Variants in PRR36 observed in about 807,000 individuals in gnomAD.
The protein encoded by PRR36 is proline-rich protein 36.
Under a neutral mutation model 58.6 loss-of-function variants are expected in PRR36, and 30 were observed. That is an observed-to-expected ratio of 0.51 (90% confidence interval 0.38 to 0.69). The LOEUF is 0.69. PRR36 is among the 30% of genes least tolerant of loss of function. The pLI, the probability that PRR36 is intolerant of heterozygous loss-of-function variation, is 0.00. For synonymous variants in PRR36, 771 were observed against 829.3 expected, an observed-to-expected ratio of 0.93 and a Z score of 1.21; for missense variants, 1,692 against 1,805.6, an observed-to-expected ratio of 0.94 and a Z score of 1.14.
At position 7,869,317 on chromosome 19, in the gene PRR36, G is replaced by A; in HGVS notation, c.3757C>T (p.Gln1253Ter). The stretch of plus-strand genomic sequence containing the variant: ...AGCAGGTGCTGCACGACGCTCGCCT[G>A]CAGCGCCCCCAGTGGCAGCTCGCCC... The part of the protein sequence containing the change: ...RLGELPLGAL[Q>*]ASVVQHLLSR... The change falls in exon 6 of 6, where the codon CAG (glutamine) becomes TAG (stop). Residue 1253 changes from glutamine to a stop codon, truncating the protein, a stop_gained. Coordinates refer to ENST00000618550, the MANE Select transcript of PRR36 (RefSeq NM_001190467.2). LOFTEE classifies it high-confidence loss of function. 7.0e-7 allele frequency: 1 copy of A among 1,430,070 alleles called. No individual in the cohort carries two copies. Among genetic ancestry groups the A allele is most frequent in the South Asian group, 1.4e-5 (1 of 69,796 alleles). 88.6% of individuals were successfully genotyped at this position (1,430,070 alleles called of 1,614,324 possible). A position where few individuals can be genotyped will look rare whatever the true frequency, so the allele number is the denominator to read the frequency against.
chr19:7,871,310 CG>C lies in PRR36; in HGVS notation c.1933del (p.Arg645GlyfsTer35). The C allele has an allele frequency of 6.6e-7, 1 of 1,524,180 alleles. No individual in the cohort carries two copies. Among genetic ancestry groups the C allele is most frequent in the Non-Finnish European group, 8.8e-7 (1 of 1,141,252 alleles). 94.4% of individuals were successfully genotyped at this position (1,524,180 alleles called of 1,614,324 possible). On this transcript the variant is annotated frameshift_variant, in exon 5 of 6. Coordinates refer to ENST00000618550, the MANE Select transcript of PRR36 (RefSeq NM_001190467.2). LOFTEE classifies it high-confidence loss of function. Reference sequence around the variant, plus strand: ...TGAATCAGGGGGAGTAGAGGCCGGCCGAGAAGGTGAGATCAAAGAAGCTTGG... The same window carrying C: ...TGAATCAGGGGGAGTAGAGGCCGGCCAGAAGGTGAGATCAAAGAAGCTTGG... Reference protein sequence around the residue: ...QTQASLISPSRPASTPPDSPP... With the variant: ...QTQASLISPSXPASTPPDSPP...
At position 7,872,018 on chromosome 19, in the gene PRR36, G is replaced by C; in HGVS notation, c.1226C>G (p.Ala409Gly). The C allele has an allele frequency of 6.5e-7, 1 of 1,535,806 alleles. No individual in the cohort carries two copies. The highest frequency in any genetic ancestry group is 8.7e-7 in the Non-Finnish European group (1 of 1,146,826). Residue 409 changes from alanine (A) to glycine (G), a missense_variant, in exon 5 of 6, where the codon GCA (alanine) becomes GGA (glycine). Transcript: ENST00000618550. This position sits in a 1 kb window ranked among gnomAD's most constrained non-coding sequence, Gnocchi z 6.1. ...GGCTGTGGCCAGGGAAGAGACGCCTGCTTCTGGAAAGGACATAATCAGCTG... is the reference window on the plus strand; with the variant it reads ...GGCTGTGGCCAGGGAAGAGACGCCTCCTTCTGGAAAGGACATAATCAGCTG... ...PTQLIMSFPE[A>G]GVSSLATAAF...
Position 7,872,204 on chromosome 19 carries a change from CT to C in PRR36, c.1039del (p.Ser347ValfsTer26). On this transcript the variant is annotated frameshift_variant, in exon 5 of 6. Transcript: ENST00000618550. LOFTEE classifies it high-confidence loss of function. The surrounding 1 kb of genome is among the most constrained non-coding windows in gnomAD (Gnocchi z 6.1). ...GGCCGGCAGGGTGGGCGGGGCCTGA[CT>C]TTGGAGAGCGGCTGGCGGAGGGGGC... is the stretch of plus-strand genomic sequence containing the variant. ...VTPPPPAALQ[S>X]QAPPTLPATP... 2 of 1,437,434 alleles carry C rather than the reference CT, an allele frequency of 1.4e-6. No homozygotes were observed. Among genetic ancestry groups the C allele is most frequent in the Non-Finnish European group, 1.8e-6 (2 of 1,099,650 alleles). The allele number at this position is 1,437,434 out of a possible 1,614,324, so 89.0% of individuals were successfully genotyped here.
chr19:7,870,622 G>C lies in PRR36; in HGVS notation c.2622C>G (p.Ala874=). The change falls in exon 5 of 6, where the codon GCC becomes GCG. Residue 874 remains alanine, a synonymous_variant. Transcript: ENST00000618550. ...GAAGGTGCACTGCCAGAGCATTTGG[G>C]GCCTGTGGAGAGGGTGTGGCCAAAG... ...LSPLATPSPQ[A]PNALAVHLLQ... is the part of the protein sequence containing the mutation. 1 of 1,353,276 alleles carries C rather than the reference G, an allele frequency of 7.4e-7. No individual in the cohort carries two copies. The highest frequency in any genetic ancestry group is 9.5e-7 in the Non-Finnish European group (1 of 1,057,468). 83.8% of individuals were successfully genotyped at this position (1,353,276 alleles called of 1,614,324 possible). A position where few individuals can be genotyped will look rare whatever the true frequency, so the allele number is the denominator to read the frequency against.
Position 7,873,438 on chromosome 19 carries a change from C to A in PRR36, c.252G>T (p.Gly84=). The part of the protein sequence containing the change: ...APRAGPTRSA[G]TSSRNPASRP... ...GGGTACCAGGGTTTCGGGAACTTGT[C>A]CCAGCACTCCGCGTTGGTCCCGCTC... The change falls in exon 2 of 6, where the codon GGG becomes GGT. Residue 84 remains glycine (G), a synonymous_variant. Transcript: ENST00000618550. This position sits in a 1 kb window ranked among gnomAD's most constrained non-coding sequence, Gnocchi z 5.0. The A allele has an allele frequency of 6.5e-7, 1 of 1,533,316 alleles. No individual in the cohort carries two copies. Among genetic ancestry groups the A allele is most frequent in the East Asian group, 2.4e-5 (1 of 40,868 alleles). The allele number at this position is 1,533,316 out of a possible 1,614,324, so 95.0% of individuals were successfully genotyped here.
rs1260180465 is a variant in PRR36 at position 7,870,040 on chromosome 19, G to A, written c.3204C>T (p.Pro1068=). Residue 1068 remains proline, a synonymous_variant, in exon 5 of 6, where the codon CCC becomes CCT. Coordinates refer to ENST00000618550, the MANE Select transcript of PRR36 (RefSeq NM_001190467.2). Reference sequence around the variant, plus strand: ...GGGCCTGCAGGGTGGGTGAGGCAGGGGGAGAGGGAGGGACCTGCAGAAGGG... The same window carrying A: ...GGGCCTGCAGGGTGGGTGAGGCAGGAGGAGAGGGAGGGACCTGCAGAAGGG... The part of the protein sequence containing the change: ...AAPLLQVPPS[P]PASPTLQAPR... 4 of 1,457,082 alleles carry A rather than the reference G, an allele frequency of 2.7e-6. No individual in the cohort carries two copies. In the East Asian group the frequency reaches 8.2e-5, roughly 30 times the overall value. 90.3% of individuals were successfully genotyped at this position (1,457,082 alleles called of 1,614,324 possible).
At position 7,871,351 on chromosome 19, in the gene PRR36, C is replaced by A. The variant is rs1404583434; in HGVS notation, c.1893G>T (p.Met631Ile). 1 of 1,530,064 alleles carries A rather than the reference C, an allele frequency of 6.5e-7. No homozygotes were observed. The highest frequency in any genetic ancestry group is 8.7e-7 in the Non-Finnish European group (1 of 1,143,544). 94.8% of individuals were successfully genotyped at this position (1,530,064 alleles called of 1,614,324 possible). A position where few individuals can be genotyped will look rare whatever the true frequency, so the allele number is the denominator to read the frequency against. ...AAGAAGCTTGGGTTTGCCTAGGGGA[C>A]ATTGTCAGGAAAGAATGTGTGGCCT... is the stretch of plus-strand genomic sequence containing the variant. ...TLQATHSFLT[M>I]SPRQTQASLI... The change falls in exon 5 of 6, where the codon ATG becomes ATT. Residue 631 changes from methionine (M) to isoleucine (I), a missense_variant. Met to Ile is a conservative substitution (Grantham distance 10). This residue lies in a region of PRR36 where 975 missense variants were observed against 955.2 expected (regional missense o/e 1.02). Transcript: ENST00000618550.
In PRR36 at chr19:7,868,980, G is replaced by A. The variant is rs560481822; in HGVS notation, c.*53C>T. The A allele has an allele frequency of 4.8e-6, 7 of 1,454,984 alleles. No homozygotes were observed. The African/African-American group carries it at 7.2e-5, about 15-fold the overall frequency. The allele number at this position is 1,454,984 out of a possible 1,614,324, so 90.1% of individuals were successfully genotyped here. On this transcript the variant is annotated 3_prime_UTR_variant, in exon 6 of 6. Transcript: ENST00000618550. Reference sequence around the variant, plus strand: ...GTCTAAAACAAACGGCGTACCCGGAGGGGCGGATCCTAAGGCAGGGGTGGG... The same window carrying A: ...GTCTAAAACAAACGGCGTACCCGGAAGGGCGGATCCTAAGGCAGGGGTGGG...
rs1980566705 is a variant in PRR36, at chr19:7,873,540, C to T, written c.150G>A (p.Ala50=). 3 of 1,534,676 alleles carry T rather than the reference C, an allele frequency of 2.0e-6. No homozygotes were observed. The highest frequency in any genetic ancestry group is 2.6e-6 in the Non-Finnish European group (3 of 1,146,562). ...CCAGAGGCTTTCGCCCCACTGCTCCCGCAGCTCCCAGAACTCGGAGGGCTG... is the reference window on the plus strand; with the variant it reads ...CCAGAGGCTTTCGCCCCACTGCTCCTGCAGCTCCCAGAACTCGGAGGGCTG... ...TPAALRVLGA[A]GAVGRKPLAE... Residue 50 remains alanine, a synonymous_variant, in exon 2 of 6, where the codon GCG becomes GCA. Transcript: ENST00000618550. This position sits in a 1 kb window ranked among gnomAD's most constrained non-coding sequence, Gnocchi z 5.0.
chr19:7,873,207 C>T lies in PRR36; in HGVS notation c.364G>A (p.Gly122Arg), dbSNP rs1036096760. The stretch of plus-strand genomic sequence containing the variant: ...GAGGGAGCAGGTTACCTGGTGGTCC[C>T]GCTGGCACGCCCTGGGCTAGAAACA... ...GPVSSPGRAS[G>R]TTRPGPLGQK... Residue 122 changes from glycine (G) to arginine (R), a missense_variant, in exon 3 of 6, where the codon GGG becomes AGG. By Grantham distance (125) the Gly-to-Arg change is moderately radical. Around this residue, in one of 5 missense-constraint regions of PRR36, gnomAD observed 975 missense variants for 955.2 expected, o/e 1.02. Transcript: ENST00000618550. The surrounding 1 kb of genome is among the most constrained non-coding windows in gnomAD (Gnocchi z 5.0). The T allele has an allele frequency of 2.0e-6, 3 of 1,535,838 alleles. No individual in the cohort carries two copies. The highest frequency in any genetic ancestry group is 2.4e-5 in the East Asian group (1 of 40,916).
chr19:7,870,524 A>C lies in PRR36; in HGVS notation c.2720T>G (p.Val907Gly). ...APFSPPASPP[V>G]SPSATPPSQA... The stretch of plus-strand genomic sequence containing the variant: ...TGAAGGGGGCGTGGCCGAAGGAGAC[A>C]CTGGGGGTGAGGCAGGGGGAGAGAA... The change falls in exon 5 of 6, where the codon GTG becomes GGG. Residue 907 changes from valine (V) to glycine (G), a missense_variant. Physicochemically the swap from Val to Gly is moderately radical, Grantham distance 109. This residue lies in a region of PRR36 where 171 missense variants were observed against 146.2 expected (regional missense o/e 1.17). Coordinates refer to ENST00000618550, the MANE Select transcript of PRR36 (RefSeq NM_001190467.2). 2.4e-6 allele frequency: 1 copy of C among 419,296 alleles called. No individual in the cohort carries two copies. Among genetic ancestry groups the C allele is most frequent in the Non-Finnish European group, 2.9e-6 (1 of 347,674 alleles). The allele number at this position is 419,296 out of a possible 1,614,324, so 26.0% of individuals were successfully genotyped here.
rs1377769916 is a variant in PRR36 at position 7,869,240 on chromosome 19, G to A, written c.3834C>T (p.Gly1278=). ...CACCCTCCGCACCTCCTGGGCCCCC[G>A]CCGCTGCCGCCCGCGGCACCCTCGG... The part of the protein sequence containing the change: ...AAAEGAAGGS[G]GGPGGAEGGG... The change falls in exon 6 of 6, where the codon GGC becomes GGT. Residue 1278 remains glycine, a synonymous_variant. Coordinates refer to ENST00000618550, the MANE Select transcript of PRR36 (RefSeq NM_001190467.2). 2.7e-6 allele frequency: 4 copies of A among 1,492,458 alleles called. No individual in the cohort carries two copies. The highest frequency in any genetic ancestry group is 3.5e-6 in the Non-Finnish European group (4 of 1,129,856). 92.5% of individuals were successfully genotyped at this position (1,492,458 alleles called of 1,614,324 possible).
In PRR36 at chr19:7,869,384, G is replaced by C. The variant is rs554835184; in HGVS notation, c.3690C>G (p.Ala1230=). The change falls in exon 6 of 6, where the codon GCC becomes GCG. Residue 1230 remains alanine, a synonymous_variant. Transcript: ENST00000618550. ...GTSGGKAAAG[A]GAGASSRSPK... is the part of the protein sequence containing the mutation. ...GGCTCCGCGAGGACGCCCCGGCCCC[G>C]GCCCCAGCCGCCGCCTTCCCACCGC... 6.8e-7 allele frequency: 1 copy of C among 1,464,258 alleles called. No homozygotes were observed. The highest frequency in any genetic ancestry group is 8.9e-7 in the Non-Finnish European group (1 of 1,117,562). 90.7% of individuals were successfully genotyped at this position (1,464,258 alleles called of 1,614,324 possible). A position where few individuals can be genotyped will look rare whatever the true frequency, so the allele number is the denominator to read the frequency against.
At position 7,871,677 on chromosome 19, in the gene PRR36, A is replaced by C. The variant is rs1410573178; in HGVS notation, c.1567T>G (p.Ser523Ala). The change falls in exon 5 of 6, where the codon TCT becomes GCT. Residue 523 changes from serine (S) to alanine (A), a missense_variant. Physicochemically the swap from Ser to Ala is moderately conservative, Grantham distance 99. Transcript: ENST00000618550. ...HTLATLPLQD[S>A]PLLATLPLQA... is the part of the protein sequence containing the mutation. ...AGAGGCAATGTGGCCAGAAGAGGAG[A>C]GTCCTGCAGAGGAAGAGTGGCCAGA... The C allele has an allele frequency of 6.5e-7, 1 of 1,532,426 alleles. No individual in the cohort carries two copies. Among genetic ancestry groups the C allele is most frequent in the Non-Finnish European group, 8.7e-7 (1 of 1,145,936 alleles). The allele number at this position is 1,532,426 out of a possible 1,614,324, so 94.9% of individuals were successfully genotyped here.
At position 7,873,673 on chromosome 19, in the gene PRR36, T is replaced by C. The variant is rs1261862917; in HGVS notation, c.17A>G (p.Asp6Gly). 7 of 1,535,012 alleles carry C rather than the reference T, an allele frequency of 4.6e-6. No individual in the cohort carries two copies. Among genetic ancestry groups the C allele is most frequent in the Non-Finnish European group, 6.1e-6 (7 of 1,146,696 alleles). Residue 6 changes from aspartate (D) to glycine (G), a missense_variant, in exon 2 of 6, where the codon GAC becomes GGC. By Grantham distance (94) the Asp-to-Gly change is moderately conservative (BLOSUM62 -1). Transcript: ENST00000618550. The surrounding 1 kb of genome is among the most constrained non-coding windows in gnomAD (Gnocchi z 5.0). MDNKR[D>G]KAKAGAAART... ...CGCGGCGGCCCCTGCCTTCGCCTTG[T>C]CTCTCTTGTTGTCCATCTTGCACCT...
At position 7,873,822 on chromosome 19, in the gene PRR36, G is replaced by A; in HGVS notation, c.-7-126C>T. The A allele has an allele frequency of 1.1e-6, 1 of 903,848 alleles. No individual in the cohort carries two copies. The allele number at this position is 903,848 out of a possible 1,614,324, so 56.0% of individuals were successfully genotyped here. On this transcript the variant is annotated intron_variant, in intron 1 of 5. Transcript: ENST00000618550. The surrounding 1 kb of genome is among the most constrained non-coding windows in gnomAD (Gnocchi z 5.0). ...CCATGGACACTCAAACCTCGGCCTC[G>A]GCTTCCATCCGCTCGGCTCCCACGC...
intron 5 of PRR36, 73 bp downstream of exon 5, chr19:7,869,642 G>C (rs1014111001): frequency 1.4e-6 from 2 of 1,422,636 alleles, no homozygotes; most frequent in Non-Finnish European, 1.8e-6. Context: ...GGACCCAGCT[G>C]TCCCGCCCCT....
chr19:7,871,995 C>T lies in PRR36; in HGVS notation c.1249G>A (p.Ala417Thr). The T allele has an allele frequency of 6.5e-7, 1 of 1,535,316 alleles. No homozygotes were observed. The highest frequency in any genetic ancestry group is 8.7e-7 in the Non-Finnish European group (1 of 1,146,770). The change falls in exon 5 of 6, where the codon GCC becomes ACC. Residue 417 changes from alanine (A) to threonine (T), a missense_variant. Ala to Thr is a moderately conservative substitution (Grantham distance 58). Transcript: ENST00000618550. The part of the protein sequence containing the change: ...PEAGVSSLAT[A>T]AFVASVSPSV... ...GGAGAGACTGAAGCCACAAAAGCGG[C>T]TGTGGCCAGGGAAGAGACGCCTGCT...
Position 7,871,186 on chromosome 19 carries a change from G to T in PRR36, c.2058C>A (p.His686Gln), listed in dbSNP as rs1568252029. The T allele has an allele frequency of 2.0e-6, 3 of 1,534,748 alleles. No individual in the cohort carries two copies. The highest frequency in any genetic ancestry group is 2.8e-5 in the African/African-American group (2 of 72,576). ...CCAGAGAAGATAGCGCCTGCAGAGG[G>T]TGTATGGTCAGGGGTGAGCTTAGGG... ...VSPLSSPLTI[H>Q]PLQALSSLAS... The change falls in exon 5 of 6, where the codon CAC becomes CAA. Residue 686 changes from histidine to glutamine, a missense_variant. By Grantham distance (24) the His-to-Gln change is conservative. This residue lies in a region of PRR36 where 975 missense variants were observed against 955.2 expected (regional missense o/e 1.02). Transcript: ENST00000618550.
Sources: allele counts gnomAD v4.1 joint callset, GRCh38; gene constraint gnomAD v4.1.1; regional missense constraint gnomAD v4.1.1; non-coding constraint Gnocchi (gnomAD v3.1); transcripts MANE v1.5; gene names NCBI Gene and HGNC (gene_info 2026-07-23, HGNC 2026-07-21).